The following SLC12A6 variants were observed in gnomAD, a reference collection of about 807,000 sequenced individuals.
SLC12A6 encodes the protein K-Cl cotransporter 3.
SLC12A6 carries 66 observed loss-of-function variants against 135.3 expected under a neutral mutation model. That is an observed-to-expected ratio of 0.49 (90% confidence interval 0.40 to 0.60). The LOEUF (loss-of-function observed/expected upper bound fraction) is 0.60. SLC12A6 is among the 20% of genes least tolerant of loss of function. The pLI, the probability that SLC12A6 is intolerant of heterozygous loss-of-function variation, is 0.00. For missense variants in SLC12A6, 1,058 were observed against 1,452.3 expected (o/e 0.73, Z 4.41); for synonymous variants, 513 against 508.8 (o/e 1.01, Z -0.11).
At chr15:34,250,516 AGAAGT>A (rs1286785333) in intron 12 of SLC12A6, 110 bp downstream of exon 12, 2 of 833,016 alleles carry the variant, frequency 2.4e-6, no homozygotes, top group East Asian at 5.0e-5. Flanking sequence ...TAATCTGGCA[AGAAGT>A]GAAGTGATAG....
At chr15:34,267,346 T>C (rs1218028847) in intron 3 of SLC12A6, among the ~76,000 whole-genome samples, 4 of 152,234 alleles carry the variant, frequency 2.6e-5, no homozygotes, top group Admixed American at 2.6e-4. Context: ...TACTCTTTCT[T>C]ACATTTCAGA....
intron 9 of SLC12A6, 109 bp downstream of exon 9, chr15:34,254,239 G>T: frequency 8.4e-7 from 1 of 1,188,352 alleles, no homozygotes; most frequent in Non-Finnish European, 1.2e-6. Flanking sequence ...TATCTGAGAG[G>T]GAAAATCTCA....
intron 2 of SLC12A6, among the ~76,000 whole-genome samples, chr15:34,320,687 C>A (rs140192607): frequency 1.3e-5 from 2 of 149,480 alleles, no homozygotes; most frequent in South Asian, 4.2e-4. Context: ...GAGGCCGAGG[C>A]GGGTGGATCA....
chr15:34,302,887 C>G lies in SLC12A6; in HGVS notation c.272-27498G>C, dbSNP rs1342734495. Among the ~76,000 whole-genome samples the G allele has an allele frequency of 4.1e-5, 6 of 144,788 alleles. No individual in the cohort carries two copies. In the Admixed American group the frequency reaches 4.4e-4, roughly 11 times the overall value. 95.0% of individuals were successfully genotyped at this position (144,788 alleles called of 152,430 possible). A position where few individuals can be genotyped will look rare whatever the true frequency, so the allele number is the denominator to read the frequency against. On this transcript the variant is annotated intron_variant, in intron 2 of 25. Transcript: ENST00000354181. Reference sequence around the variant, plus strand: ...ATTGCTTGAGCCCAGGAGGCTGAGGCTGCAATGAGCCATAATCATGACACT... The same window carrying G: ...ATTGCTTGAGCCCAGGAGGCTGAGGGTGCAATGAGCCATAATCATGACACT...
intron 2 of SLC12A6, among the ~76,000 whole-genome samples, chr15:34,301,856 T>C (rs978058532): frequency 2.0e-5 from 3 of 152,214 alleles, no homozygotes; most frequent in East Asian, 1.9e-4. Context: ...ATCCAGTACA[T>C]ATGCTAAGAA....
At chr15:34,250,852 C>T in intron 11 of SLC12A6, 47 bp downstream of exon 11, 10 of 1,538,126 alleles carry the variant, frequency 6.5e-6, no homozygotes, top group Non-Finnish European at 9.0e-6. Flanking sequence ...AAAAATCACT[C>T]CGTGGGTCTG....
At chr15:34,274,466 T>C (rs899534403) in intron 3 of SLC12A6, among the ~76,000 whole-genome samples, 5 of 152,196 alleles carry the variant, frequency 3.3e-5, no homozygotes, top group African/African-American at 1.2e-4. Context: ...GAATGCCTCA[T>C]CAGGGTATGT....
chr15:34,290,753 T>C (rs1171420734), intron 2 of SLC12A6, among the ~76,000 whole-genome samples: 2 of 152,212 alleles, frequency 1.3e-5, no homozygotes, highest in Admixed American at 6.5e-5. Context: ...TCTTTGTTGG[T>C]TTAAAGTCTG....
In SLC12A6 at chr15:34,262,219, C is replaced by T. The variant is rs532014626; in HGVS notation, c.317-1199G>A. 4.6e-5 allele frequency among the ~76,000 whole-genome samples: 7 copies of T among 152,248 alleles called. No individual in the cohort carries two copies. In the East Asian group the frequency reaches 9.6e-4, roughly 21 times the overall value. On this transcript the variant is annotated intron_variant, in intron 3 of 25. Coordinates refer to ENST00000354181, the MANE Select transcript of SLC12A6 (RefSeq NM_001365088.1). ...TTTACCTATTTTACATATATCTACC[C>T]TTCCCTAATTGGTTTTTTACACTGT...
chr15:34,336,275 C>T (rs906208074), intron 2 of SLC12A6, 135 bp downstream of exon 2: 3 of 776,388 alleles, frequency 3.9e-6, no homozygotes, highest in Middle Eastern at 3.5e-4. Flanking sequence ...CTAAGCATCT[C>T]ACAAAGAGAT....
At chr15:34,319,967 T>A (rs1888949007) in intron 2 of SLC12A6, among the ~76,000 whole-genome samples, 1 of 152,170 alleles carries the variant, frequency 6.6e-6, no homozygotes, top group African/African-American at 2.4e-5. Context: ...TAATTCTTGA[T>A]ATAATTTATC....
chr15:34,269,533 T>C (rs1335529629), intron 3 of SLC12A6, among the ~76,000 whole-genome samples: 1 of 152,212 alleles, frequency 6.6e-6, no homozygotes, highest in Non-Finnish European at 1.5e-5. Flanking sequence ...TAATTTCCCT[T>C]GGCACAGGTT....
chr15:34,234,161 C>T (rs2140627872), intron 25 of SLC12A6, among the ~76,000 whole-genome samples, 189 bp from the exon 26 acceptor site: 1 of 152,214 alleles, frequency 6.6e-6, no homozygotes, highest in African/African-American at 2.4e-5. Flanking sequence ...CTTTTGCATA[C>T]ATAATACCAG....
chr15:34,236,294 AACTG>A, intron 23 of SLC12A6, 95 bp from the exon 24 acceptor site: 2 of 879,492 alleles, frequency 2.3e-6, no homozygotes, highest in Non-Finnish European at 3.8e-6. Context: ...ATAGTGGAAT[AACTG>A]ACAGAGTGAG....
At chr15:34,269,369 T>A (rs1893752761) in intron 3 of SLC12A6, among the ~76,000 whole-genome samples, 1 of 152,188 alleles carries the variant, frequency 6.6e-6, no homozygotes, top group South Asian at 2.1e-4. Context: ...ACTTTACTGT[T>A]GTGATGTTAT....
chr15:34,292,594 C>G (rs1458700444), intron 2 of SLC12A6, among the ~76,000 whole-genome samples: 1 of 152,214 alleles, frequency 6.6e-6, no homozygotes, highest in Non-Finnish European at 1.5e-5. Flanking sequence ...GCCCTGCCCC[C>G]AGAGGTGGAA....
At chr15:34,319,238 C>A (rs140537733) in intron 2 of SLC12A6, among the ~76,000 whole-genome samples, 57 of 150,956 alleles carry the variant, frequency 3.8e-4, no homozygotes, top group Non-Finnish European at 6.3e-4. Context: ...CAGGTTCAAG[C>A]GATTCTCCTG....
chr15:34,274,825 G>A (rs1240818877), intron 3 of SLC12A6, among the ~76,000 whole-genome samples: 1 of 151,880 alleles, frequency 6.6e-6, no homozygotes, highest in African/African-American at 2.4e-5. Context: ...AAAAAAAAGA[G>A]AAATTCTTGT....
At chr15:34,335,494 T>G (rs1438400517) in intron 2 of SLC12A6, among the ~76,000 whole-genome samples, 3 of 152,194 alleles carry the variant, frequency 2.0e-5, no homozygotes, top group African/African-American at 7.2e-5. Context: ...TAAGGGAAAT[T>G]TTTATCATTA....
Sources: gnomAD v4.1 joint callset for allele counts (sites outside exome capture counted in the v4.1 genomes callset) on GRCh38, gnomAD v4.1.1 for gene constraint, MANE v1.5 for transcripts, NCBI Gene and HGNC (gene_info 2026-07-23, HGNC 2026-07-21) for gene names.